The following CNTN4 variants were observed in gnomAD, a reference collection of about 807,000 sequenced individuals.
CNTN4 encodes contactin 4.
In CNTN4, 77 loss-of-function variants were observed where a neutral mutation model predicts 122.5. The observed-to-expected ratio is 0.63, with a 90% CI of 0.52 to 0.76. The LOEUF (loss-of-function observed/expected upper bound fraction) is 0.76. CNTN4 is among the 30% of genes least tolerant of loss of function. CNTN4 has a pLI of 0.00. For missense variants in CNTN4, 1,256 were observed against 1,259.1 expected (o/e 1.00, Z 0.04); for synonymous variants, 512 against 447.0 (o/e 1.15, Z -1.83).
chr3:2,367,931 C>G (rs9876213), intron 3 of CNTN4, among the ~76,000 whole-genome samples: 1 of 151,550 alleles, frequency 6.6e-6, no homozygotes, highest in Non-Finnish European at 1.5e-5. Flanking sequence ...TTATTTTTCT[C>G]TTGAGCTTAC....
chr3:2,858,398 C>G (rs1319158507), intron 7 of CNTN4, among the ~76,000 whole-genome samples: 4 of 152,164 alleles, frequency 2.6e-5, no homozygotes, highest in Admixed American at 2.6e-4. Flanking sequence ...CTTTTGAGGA[C>G]TGATATTTGA....
At chr3:2,376,709 C>T (rs2045831334) in intron 3 of CNTN4, among the ~76,000 whole-genome samples, 1 of 137,736 alleles carries the variant, frequency 7.3e-6, no homozygotes, top group Admixed American at 7.2e-5. Flanking sequence ...AAAAAAAGGT[C>T]AGGTTAACAT....
chr3:3,051,975 T>C, intron 23 of CNTN4, among the ~76,000 whole-genome samples: 1 of 152,170 alleles, frequency 6.6e-6, no homozygotes, highest in Non-Finnish European at 1.5e-5. Context: ...TTGTCAGAAA[T>C]GCAGATTTTC....
At chr3:2,380,537 T>C (rs2045978651) in intron 3 of CNTN4, among the ~76,000 whole-genome samples, 1 of 152,222 alleles carries the variant, frequency 6.6e-6, no homozygotes, top group South Asian at 2.1e-4. Flanking sequence ...AAATTTTAAT[T>C]GGTTTATCTG....
chr3:2,745,801 G>T, intron 6 of CNTN4, 104 bp downstream of exon 6: 1 of 996,398 alleles, frequency 1.0e-6, no homozygotes, highest in Non-Finnish European at 1.6e-6. Context: ...GATTTTAATT[G>T]GTTACATGAT....
chr3:2,531,919 G>C (rs1052854442), intron 3 of CNTN4, among the ~76,000 whole-genome samples: 5 of 152,098 alleles, frequency 3.3e-5, no homozygotes, highest in Non-Finnish European at 5.9e-5. Flanking sequence ...ACTTGATCTT[G>C]TAAGAGAAAA....
At chr3:2,516,608 C>A (rs1470416773) in intron 3 of CNTN4, among the ~76,000 whole-genome samples, 2 of 152,054 alleles carry the variant, frequency 1.3e-5, no homozygotes, top group Non-Finnish European at 2.9e-5. Context: ...TTGTACATGG[C>A]TTCATGTCTT....
chr3:2,965,014 A>T (rs1207319449), intron 13 of CNTN4, among the ~76,000 whole-genome samples: 4 of 152,208 alleles, frequency 2.6e-5, no homozygotes, highest in African/African-American at 4.8e-5. Context: ...TGATGTGTAA[A>T]TGGAATGATT....
chr3:2,979,680 A>T (rs1693778170), intron 13 of CNTN4, among the ~76,000 whole-genome samples: 1 of 151,894 alleles, frequency 6.6e-6, no homozygotes, highest in South Asian at 2.1e-4. Context: ...AATAATAAAG[A>T]TGATTTAAAA....
intron 21 of CNTN4, 76 bp from the exon 22 acceptor site, chr3:3,042,901 G>C (rs139189287): frequency 4.1e-6 from 5 of 1,208,618 alleles, no homozygotes; most frequent in East Asian, 2.3e-5. Flanking sequence ...AAGAATCTGC[G>C]TACAAAATTA....
chr3:2,339,183 A>G lies in CNTN4; in HGVS notation c.-139A>G, dbSNP rs1484707344. 1 of 152,136 alleles carries G rather than the reference A, an allele frequency of 6.6e-6. No individual in the cohort carries two copies. Among genetic ancestry groups the G allele is most frequent in the Non-Finnish European group, 1.5e-5 (1 of 68,016 alleles). 9.4% of individuals were successfully genotyped at this position (152,136 alleles called of 1,614,324 possible). A position where few individuals can be genotyped will look rare whatever the true frequency, so the allele number is the denominator to read the frequency against. ...ATTTTTTCTTTTTATTCTAGGAATC[A>G]TTGACATAGAGTAACTCCACAGCAT... is the stretch of plus-strand genomic sequence containing the variant. On this transcript the variant is annotated 5_prime_UTR_variant, in exon 3 of 25. Transcript: ENST00000418658.
chr3:2,541,596 A>G (rs1373668788), intron 3 of CNTN4, among the ~76,000 whole-genome samples: 9 of 152,124 alleles, frequency 5.9e-5, no homozygotes, highest in Non-Finnish European at 2.9e-5. Context: ...CATTTGTCAC[A>G]TATCATTTTC....
intron 2 of CNTN4, among the ~76,000 whole-genome samples, chr3:2,272,700 T>C (rs758235046): frequency 3.3e-5 from 5 of 152,218 alleles, no homozygotes; most frequent in African/African-American, 4.8e-5. Context: ...GACAATTGTA[T>C]TGACAATTAT....
rs552762803 is a variant in CNTN4 at position 2,745,886 on chromosome 3, ATTC to A, written c.358+194_358+196del. Among the ~76,000 whole-genome samples, 22 of 152,334 alleles carry A rather than the reference ATTC, an allele frequency of 1.4e-4. No individual in the cohort carries two copies. The South Asian group carries it at 4.6e-3, about 32-fold the overall frequency. Reference sequence around the variant, plus strand: ...ACTGTAAATCTAAGTGAGAAGATGTATTCTTCTACTTCGATAAGGATTGAGATA... The same window carrying A: ...ACTGTAAATCTAAGTGAGAAGATGTATTCTACTTCGATAAGGATTGAGATA... On this transcript the variant is annotated intron_variant, in intron 6 of 24. Coordinates refer to ENST00000418658, the MANE Select transcript of CNTN4 (RefSeq NM_175607.3).
intron 2 of CNTN4, among the ~76,000 whole-genome samples, chr3:2,102,057 G>A (rs1285187047): frequency 6.6e-6 from 1 of 152,170 alleles, no homozygotes; most frequent in Non-Finnish European, 1.5e-5. Flanking sequence ...GAGGTGTAAA[G>A]GATGAATGTG....
At chr3:2,609,193 A>T in intron 4 of CNTN4, among the ~76,000 whole-genome samples, 1 of 152,174 alleles carries the variant, frequency 6.6e-6, no homozygotes, top group Middle Eastern at 3.2e-3. Flanking sequence ...CATTGTGGAG[A>T]TATTAAGCAG....
intron 14 of CNTN4, among the ~76,000 whole-genome samples, chr3:2,994,613 A>ATATATATATATATATATATATATATATG (rs370506181): frequency 3.5e-4 from 50 of 142,164 alleles, no homozygotes; most frequent in African/African-American, 1.3e-3. Context: ...ATATATATAT[A>ATATATATATATATATATATATATATATG]TGTGTGTATA....
At chr3:2,791,953 C>T (rs954982554) in intron 6 of CNTN4, among the ~76,000 whole-genome samples, 2 of 152,096 alleles carry the variant, frequency 1.3e-5, no homozygotes, top group African/African-American at 4.8e-5. Flanking sequence ...TCAGATAATC[C>T]GGGATGATCT....
intron 9 of CNTN4, among the ~76,000 whole-genome samples, chr3:2,886,091 G>T (rs990193803): frequency 6.6e-6 from 1 of 152,154 alleles, no homozygotes; most frequent in African/African-American, 2.4e-5. Context: ...GATTCAAGGG[G>T]AGGGGCCATA....
Sources: gnomAD v4.1 joint callset for allele counts (sites outside exome capture counted in the v4.1 genomes callset) on GRCh38, gnomAD v4.1.1 for gene constraint, MANE v1.5 for transcripts, NCBI Gene and HGNC (gene_info 2026-07-23, HGNC 2026-07-21) for gene names.